Variants in CECR2 observed in about 807,000 individuals in gnomAD.
CECR2 encodes the protein chromatin remodeling regulator CECR2.
CECR2 carries 30 observed loss-of-function variants against 154.5 expected under a neutral mutation model. The observed-to-expected ratio is 0.19, with a 90% CI of 0.15 to 0.26. The LOEUF is 0.26. Among genes scored for constraint, CECR2 ranks in the 10% least tolerant of loss-of-function variants. The pLI is 1.00. For missense variants in CECR2, 1,743 were observed against 1,829.3 expected, an observed-to-expected ratio of 0.95 and a Z score of 0.86; for synonymous variants, 725 against 683.7, an observed-to-expected ratio of 1.06 and a Z score of -0.94.
intron 1 of CECR2, among the ~76,000 whole-genome samples, chr22:17,375,893 T>TGCGGTGAGCTGAGATC (rs2063113311): frequency 6.6e-6 from 1 of 151,594 alleles, no homozygotes; most frequent in Non-Finnish European, 1.5e-5. Context: ...AGACGGAGGT[T>TGCGGTGAGCTGAGATC]GCGGTGAGCT....
intron 2 of CECR2, among the ~76,000 whole-genome samples, chr22:17,490,817 C>T (rs1486355353): frequency 6.6e-6 from 1 of 152,176 alleles, no homozygotes; most frequent in South Asian, 2.1e-4. Context: ...CAACCATCAC[C>T]ACTATCTAAT....
intron 9 of CECR2, among the ~76,000 whole-genome samples, chr22:17,532,554 G>A (rs2056372165): frequency 6.6e-6 from 1 of 151,836 alleles, no homozygotes; most frequent in Admixed American, 6.6e-5. Context: ...ATTTAATATT[G>A]TATTGTAAGG....
chr22:17,519,465 A>T (rs1028988883), intron 8 of CECR2, among the ~76,000 whole-genome samples: 1 of 151,556 alleles, frequency 6.6e-6, no homozygotes, highest in Non-Finnish European at 1.5e-5. Context: ...TCACCACATT[A>T]GCCAGGAAGG....
intron 8 of CECR2, among the ~76,000 whole-genome samples, chr22:17,521,851 CCTAGGTTTTCTT>C (rs981497960): frequency 7.9e-5 from 12 of 152,096 alleles, no homozygotes; most frequent in Non-Finnish European, 1.6e-4. Context: ...AATGGTAATG[CCTAGGTTTTCTT>C]CTAGGGTTTT....
chr22:17,542,106 G>C, intron 15 of CECR2, 51 bp from the exon 16 acceptor site: 1 of 1,582,834 alleles, frequency 6.3e-7, no homozygotes, highest in Non-Finnish European at 8.6e-7. Flanking sequence ...ATGGCACAAA[G>C]TGTGCCTTAT....
intron 1 of CECR2, among the ~76,000 whole-genome samples, chr22:17,441,662 T>G (rs2146668378): frequency 6.6e-6 from 1 of 151,750 alleles, no homozygotes; most frequent in African/African-American, 2.4e-5. Flanking sequence ...TGCCAGAGGA[T>G]AATAAGTTAT....
At chr22:17,533,722 T>C (rs1192897417) in intron 9 of CECR2, among the ~76,000 whole-genome samples, 1 of 151,632 alleles carries the variant, frequency 6.6e-6, no homozygotes, top group African/African-American at 2.4e-5. Flanking sequence ...GTTTGTTTGT[T>C]TGTTTGTTTT....
intron 8 of CECR2, 71 bp downstream of exon 8, chr22:17,511,967 A>T (rs1394823591): frequency 2.6e-6 from 3 of 1,146,556 alleles, no homozygotes; most frequent in Non-Finnish European, 2.5e-6. Context: ...ATGTACTTCC[A>T]TTCCTGCCTT....
chr22:17,510,546 A>G (rs899402041), intron 7 of CECR2, among the ~76,000 whole-genome samples: 1 of 152,092 alleles, frequency 6.6e-6, no homozygotes, highest in African/African-American at 2.4e-5. Context: ...AAAGAAGGTC[A>G]TGACAGCGTT....
chr22:17,414,950 T>G (rs1456707779), intron 1 of CECR2, among the ~76,000 whole-genome samples: 1 of 152,132 alleles, frequency 6.6e-6, no homozygotes. Flanking sequence ...ATTTCTGAGG[T>G]GTGGTTTTTA....
intron 7 of CECR2, among the ~76,000 whole-genome samples, chr22:17,507,656 CATTG>C (rs777358805): frequency 3.2e-4 from 48 of 152,230 alleles, no homozygotes; most frequent in Non-Finnish European, 6.6e-4. Context: ...AAATTTCAAG[CATTG>C]ATTCTTTTCA....
chr22:17,536,351 C>G (rs1428033796), intron 9 of CECR2, among the ~76,000 whole-genome samples: 1 of 152,228 alleles, frequency 6.6e-6, no homozygotes, highest in South Asian at 2.1e-4. Context: ...TTCTCCTTGC[C>G]TCTTTTCTTT....
At chr22:17,361,576 TA>T (rs1252323114) in intron 1 of CECR2, among the ~76,000 whole-genome samples, 1 of 151,084 alleles carries the variant, frequency 6.6e-6, no homozygotes, top group Non-Finnish European at 1.5e-5. Flanking sequence ...TATAATCTGC[TA>T]AAAATATAAA....
intron 1 of CECR2, chr22:17,419,718 G>A (rs2054216206): frequency 3.0e-5 from 3 of 99,838 alleles, no homozygotes; most frequent in South Asian, 3.7e-4. Flanking sequence ...CTAGAGAGCT[G>A]ATGGATAAAT....
chr22:17,424,342 C>G (rs2054299458), intron 1 of CECR2: 1 of 167,106 alleles, frequency 6.0e-6, no homozygotes, highest in African/African-American at 2.4e-5. Flanking sequence ...ATCTCATGGT[C>G]ATGTAGAAAA....
At chr22:17,533,475 C>T (rs2056390500) in intron 9 of CECR2, among the ~76,000 whole-genome samples, 1 of 151,664 alleles carries the variant, frequency 6.6e-6, no homozygotes, top group Non-Finnish European at 1.5e-5. Flanking sequence ...ACTAAAAATA[C>T]AATAATTACC....
chr22:17,444,421 G>A (rs2054628733), intron 1 of CECR2, among the ~76,000 whole-genome samples: 1 of 152,118 alleles, frequency 6.6e-6, no homozygotes, highest in Non-Finnish European at 1.5e-5. Flanking sequence ...AAGGTCAGGA[G>A]TCCGAGACCA....
chr22:17,524,716 T>TG (rs695256), intron 9 of CECR2, among the ~76,000 whole-genome samples: 1 of 86,748 alleles, frequency 1.2e-5, no homozygotes, highest in South Asian at 3.7e-4. Flanking sequence ...TTTTTTTTTT[T>TG]GATACATAGT....
chr22:17,386,454 A>C (rs1258913628), intron 1 of CECR2, among the ~76,000 whole-genome samples: 1 of 152,176 alleles, frequency 6.6e-6, no homozygotes, highest in Non-Finnish European at 1.5e-5. Flanking sequence ...GTTGTATTGA[A>C]GAGGTCAGTT....
Sources: allele counts gnomAD v4.1 joint callset (sites outside exome capture counted in the v4.1 genomes callset), GRCh38; gene constraint gnomAD v4.1.1; transcripts MANE v1.5; gene names NCBI Gene and HGNC (gene_info 2026-07-23, HGNC 2026-07-21).